CCDC57: variants seen among roughly 807,000 people sequenced by gnomAD.
The protein encoded by CCDC57 is coiled-coil domain-containing protein 57.
Under a neutral mutation model 118.9 loss-of-function variants are expected in CCDC57, and 118 were observed. The ratio of observed to expected loss-of-function variants is 0.99; its 90% CI spans 0.86 to 1.16. The LOEUF (loss-of-function observed/expected upper bound fraction) is 1.16. Ranked by LOEUF, CCDC57 falls within the 50% of genes most tolerant of loss-of-function variation. The probability of loss-of-function intolerance (pLI) is 0.00; values close to 1 mark genes in which losing one functional copy is unlikely to be tolerated. For missense variants in CCDC57, 1,300 were observed against 1,320.7 expected, an observed-to-expected ratio of 0.98 and a Z score of 0.24; for synonymous variants, 527 against 532.9, an observed-to-expected ratio of 0.99 and a Z score of 0.15.
chr17:82,160,672 C>G (rs1213546165), intron 14 of CCDC57, among the ~76,000 whole-genome samples: 1 of 151,892 alleles, frequency 6.6e-6, no homozygotes. Context: ...GTGAGGAGTT[C>G]GATACCAGCC....
chr17:82,186,801 G>C (rs2046978670), intron 8 of CCDC57, among the ~76,000 whole-genome samples: 1 of 152,062 alleles, frequency 6.6e-6, no homozygotes, highest in Non-Finnish European at 1.5e-5. Flanking sequence ...AATTAGCTGA[G>C]CATGGTGGTG....
At chr17:82,107,356 G>A (rs974784001) in intron 19 of CCDC57, 9 of 429,356 alleles carry the variant, frequency 2.1e-5, no homozygotes, top group Non-Finnish European at 3.4e-5. Flanking sequence ...CCCGGGTGGG[G>A]CACAGATGCC....
chr17:82,135,915 A>T (rs1452838516), intron 16 of CCDC57, among the ~76,000 whole-genome samples: 1 of 152,182 alleles, frequency 6.6e-6, no homozygotes, highest in Non-Finnish European at 1.5e-5. Context: ...AAATTTTTTT[A>T]AATATAAAAA....
At chr17:82,210,308 A>G (rs533099772) in intron 1 of CCDC57, among the ~76,000 whole-genome samples, 2 of 152,278 alleles carry the variant, frequency 1.3e-5, no homozygotes, top group African/African-American at 4.8e-5. Context: ...ATCATTTAAC[A>G]AATAGCACAT....
At chr17:82,194,751 TA>T (rs2048099373) in intron 5 of CCDC57, among the ~76,000 whole-genome samples, 1 of 152,212 alleles carries the variant, frequency 6.6e-6, no homozygotes, top group African/African-American at 2.4e-5. Context: ...ATAAGGAAAT[TA>T]AACACAAAGC....
intron 16 of CCDC57, among the ~76,000 whole-genome samples, chr17:82,150,800 GACCCA>G: frequency 8.9e-6 from 1 of 112,036 alleles, no homozygotes; most frequent in Non-Finnish European, 1.8e-5. Context: ...CCCAGAACCT[GACCCA>G]CACCCAGAAC....
intron 7 of CCDC57, among the ~76,000 whole-genome samples, chr17:82,189,804 G>T (rs1013365540): frequency 6.6e-6 from 1 of 152,076 alleles, no homozygotes; most frequent in East Asian, 1.9e-4. Context: ...AGTGACCCGA[G>T]ATCGCACCAC....
At chr17:82,171,480 C>G (rs1215042822) in intron 13 of CCDC57, among the ~76,000 whole-genome samples, 1 of 150,368 alleles carries the variant, frequency 6.7e-6, no homozygotes, top group Non-Finnish European at 1.5e-5. Context: ...CCGGAGGGAG[C>G]ACAAGGAATT....
intron 2 of CCDC57, among the ~76,000 whole-genome samples, chr17:82,203,850 A>C (rs1296690266): frequency 1.3e-5 from 2 of 152,066 alleles, no homozygotes. Context: ...AGCAGGAAAA[A>C]GCCCCAGCCT....
exon 9 of CCDC57, chr17:82,183,777 T>C: frequency 1.9e-6 from 3 of 1,556,750 alleles, no homozygotes; most frequent in Non-Finnish European, 2.6e-6. Context: ...CAGTTACCTT[T>C]CAATGTCCTG....
chr17:82,141,916 G>A (rs930030846), intron 16 of CCDC57, among the ~76,000 whole-genome samples: 2 of 152,148 alleles, frequency 1.3e-5, no homozygotes, highest in African/African-American at 4.8e-5. Flanking sequence ...CATTGTCTTT[G>A]CGATTTGAGC....
intron 1 of CCDC57, among the ~76,000 whole-genome samples, chr17:82,211,944 CTG>C (rs1431656265): frequency 6.6e-6 from 1 of 152,196 alleles, no homozygotes; most frequent in Non-Finnish European, 1.5e-5. Flanking sequence ...TTTCCTGTAA[CTG>C]TTTCTGTAAC....
chr17:82,121,831 G>C (rs115990408), intron 19 of CCDC57, among the ~76,000 whole-genome samples: 247 of 152,302 alleles, frequency 1.6e-3, no homozygotes, highest in Middle Eastern at 6.8e-3. Context: ...ATTTTCCACA[G>C]TTACCACGAG....
chr17:82,185,993 G>C (rs953332059), intron 8 of CCDC57, among the ~76,000 whole-genome samples: 1 of 151,994 alleles, frequency 6.6e-6, no homozygotes, highest in Non-Finnish European at 1.5e-5. Context: ...GAGCACCACC[G>C]TACCTGTCTA....
At chr17:82,129,620 G>GC (rs1384535294) in intron 17 of CCDC57, among the ~76,000 whole-genome samples, 8 of 152,274 alleles carry the variant, frequency 5.3e-5, no homozygotes, top group African/African-American at 1.9e-4. Flanking sequence ...GATGCTCACT[G>GC]CCCCCCGGGC....
At position 82,172,598 on chromosome 17, in the gene CCDC57, C is replaced by G. The variant is rs1019345814; in HGVS notation, c.1729+40G>C. Reference sequence around the variant, plus strand: ...GTCTGTCCTCCTCCCTCCCTCTCCCCCTTCCTCTCCCGCTCTGTCCGTTTC... The same window carrying G: ...GTCTGTCCTCCTCCCTCCCTCTCCCGCTTCCTCTCCCGCTCTGTCCGTTTC... On this transcript the variant is annotated intron_variant, in intron 12 of 19. Coordinates refer to ENST00000665763, the Ensembl canonical transcript of CCDC57. This position sits in a 1 kb window ranked among gnomAD's most constrained non-coding sequence, Gnocchi z 5.2. 1.2e-5 allele frequency: 19 copies of G among 1,521,632 alleles called. No homozygotes were observed. In the African/African-American group the frequency reaches 2.5e-4, roughly 20 times the overall value. 94.3% of individuals were successfully genotyped at this position (1,521,632 alleles called of 1,614,324 possible). A position where few individuals can be genotyped will look rare whatever the true frequency, so the allele number is the denominator to read the frequency against.
intron 8 of CCDC57, 43 bp downstream of exon 7, chr17:82,188,176 G>A (rs776430204): frequency 1.5e-5 from 22 of 1,491,810 alleles, no homozygotes; most frequent in Admixed American, 8.3e-5. Context: ...AGCCACGGCC[G>A]TCCCTGCCCT....
exon 14 of CCDC57, chr17:82,163,224 C>T (rs769794675): frequency 4.1e-5 from 66 of 1,613,862 alleles, no homozygotes; most frequent in Non-Finnish European, 5.5e-5. Flanking sequence ...GTGTCACCAG[C>T]AGGTTTAGGA....
intron 4 of CCDC57, among the ~76,000 whole-genome samples, chr17:82,197,982 T>C (rs1209316010): frequency 6.6e-6 from 1 of 152,176 alleles, no homozygotes; most frequent in African/African-American, 2.4e-5. Context: ...CTGTGGGACT[T>C]CATGGCCTCC....
Sources: allele counts gnomAD v4.1 joint callset (sites outside exome capture counted in the v4.1 genomes callset), GRCh38; gene constraint gnomAD v4.1.1; non-coding constraint Gnocchi (gnomAD v3.1); transcripts MANE v1.5; gene names NCBI Gene and HGNC (gene_info 2026-07-23, HGNC 2026-07-21).